The following PDLIM5 variants were observed in gnomAD, a reference collection of about 807,000 sequenced individuals.
The protein encoded by PDLIM5 is PDZ and LIM domain 5, also known as PDZ and LIM domain protein 5.
In PDLIM5, 34 loss-of-function variants were observed where a neutral mutation model predicts 64.2. The ratio of observed to expected loss-of-function variants is 0.53; its 90% CI spans 0.40 to 0.71. The LOEUF is 0.71. Among genes scored for constraint, PDLIM5 ranks in the 30% least tolerant of loss-of-function variants. The pLI is 0.00. For synonymous variants in PDLIM5, 253 were observed against 269.1 expected (o/e 0.94, Z 0.59); for missense variants, 683 against 733.6 (o/e 0.93, Z 0.80).
At chr4:94,545,359 C>A (rs1713472485) in intron 3 of PDLIM5, among the ~76,000 whole-genome samples, 1 of 152,030 alleles carries the variant, frequency 6.6e-6, no homozygotes, top group Non-Finnish European at 1.5e-5. Flanking sequence ...TTTTAGAAGC[C>A]CAAATAATAT....
At chr4:94,653,662 A>G (rs1168474952) in intron 9 of PDLIM5, among the ~76,000 whole-genome samples, 2 of 152,186 alleles carry the variant, frequency 1.3e-5, no homozygotes, top group African/African-American at 4.8e-5. Flanking sequence ...TTTCAGTTAT[A>G]CAAGATGAAT....
Position 94,550,646 on chromosome 4 carries a change from C to T in PDLIM5, c.249-22705C>T, listed in dbSNP as rs562003343. On this transcript the variant is annotated intron_variant, in intron 3 of 12. Transcript: ENST00000317968. ...ATGACTTGCAAGTCCATAAATATCTCATTTTGGAACTCTAAAAGTTTGGAA... is the reference window on the plus strand; with the variant it reads ...ATGACTTGCAAGTCCATAAATATCTTATTTTGGAACTCTAAAAGTTTGGAA... Among the ~76,000 whole-genome samples, 4 of 152,242 alleles carry T rather than the reference C, an allele frequency of 2.6e-5. No individual in the cohort carries two copies. The East Asian group carries it at 7.7e-4, about 29-fold the overall frequency.
At position 94,594,104 on chromosome 4, in the gene PDLIM5, A is replaced by G. The variant is rs1011997399; in HGVS notation, c.920+7660A>G. Among the ~76,000 whole-genome samples, 4 of 152,242 alleles carry G rather than the reference A, an allele frequency of 2.6e-5. 1 individual carries two copies. The highest frequency in any genetic ancestry group is 2.6e-4 in the Admixed American group (4 of 15,286). On this transcript the variant is annotated intron_variant, in intron 7 of 12. Transcript: ENST00000317968. ...ATAAATATCAAGACATTAAAATATCAAAACATTAATACCTATATTGAAAGT... is the reference window on the plus strand; with the variant it reads ...ATAAATATCAAGACATTAAAATATCGAAACATTAATACCTATATTGAAAGT...
At chr4:94,591,210 G>T (rs1736649290) in intron 7 of PDLIM5, among the ~76,000 whole-genome samples, 1 of 152,168 alleles carries the variant, frequency 6.6e-6, no homozygotes, top group Non-Finnish European at 1.5e-5. Flanking sequence ...CTTTGCTTTT[G>T]TTCATCCCAT....
At chr4:94,647,805 A>G (rs7655928) in intron 9 of PDLIM5, among the ~76,000 whole-genome samples, 1 of 151,962 alleles carries the variant, frequency 6.6e-6, no homozygotes, top group Non-Finnish European at 1.5e-5. Flanking sequence ...GAGATCATAC[A>G]AAGTATGCTC....
intron 8 of PDLIM5, among the ~76,000 whole-genome samples, chr4:94,639,525 A>G (rs913202660): frequency 2.6e-5 from 4 of 152,188 alleles, no homozygotes; most frequent in African/African-American, 9.7e-5. Context: ...ACCTATTACT[A>G]TAAATGAGAG....
At chr4:94,555,476 A>G (rs1220714590) in intron 3 of PDLIM5, among the ~76,000 whole-genome samples, 2 of 152,202 alleles carry the variant, frequency 1.3e-5, no homozygotes, top group Middle Eastern at 3.2e-3. Context: ...ATGTATGTAA[A>G]TTTGTCAAAT....
chr4:94,665,511 GA>G lies in PDLIM5; in HGVS notation c.*1445del. 1 of 733,982 alleles carries G rather than the reference GA, an allele frequency of 1.4e-6. No homozygotes were observed. The highest frequency in any genetic ancestry group is 1.6e-6 in the Non-Finnish European group (1 of 608,038). 45.5% of individuals were successfully genotyped at this position (733,982 alleles called of 1,614,324 possible). ...AAAAAAAAAAAAAAAAAAAAAGAGA[GA>G]GAGAGAATAAATAGAAAAGAATGTG... On this transcript the variant is annotated 3_prime_UTR_variant, in exon 13 of 13. Transcript: ENST00000317968.
At chr4:94,574,299 A>C (rs1051586660) in intron 4 of PDLIM5, among the ~76,000 whole-genome samples, 4 of 152,104 alleles carry the variant, frequency 2.6e-5, no homozygotes, top group Non-Finnish European at 5.9e-5. Flanking sequence ...GAAGTTTGAG[A>C]CCAGCCTGGC....
At chr4:94,517,068 G>A (rs1470398108) in intron 2 of PDLIM5, among the ~76,000 whole-genome samples, 2 of 152,126 alleles carry the variant, frequency 1.3e-5, no homozygotes, top group African/African-American at 2.4e-5. Context: ...CATATATGCG[G>A]GGGGGACATC....
At chr4:94,515,527 G>A (rs1729287100) in intron 2 of PDLIM5, among the ~76,000 whole-genome samples, 1 of 152,176 alleles carries the variant, frequency 6.6e-6, no homozygotes, top group African/African-American at 2.4e-5. Flanking sequence ...TGTCGTAGAA[G>A]TATGCTGGCC....
chr4:94,505,264 CT>C (rs58962560), intron 2 of PDLIM5, among the ~76,000 whole-genome samples: 384 of 144,410 alleles, frequency 2.7e-3, no homozygotes, highest in African/African-American at 5.5e-3. Context: ...TCTTAAGTCA[CT>C]TTTTTTTTTT....
chr4:94,586,499 A>G (rs1055272687), intron 7 of PDLIM5, 55 bp downstream of exon 7: 33 of 1,068,340 alleles, frequency 3.1e-5, no homozygotes, highest in Non-Finnish European at 4.4e-5. Context: ...AATGGTCTCA[A>G]TTTAGTTTTT....
At chr4:94,472,943 A>G (rs1725008188) in intron 2 of PDLIM5, among the ~76,000 whole-genome samples, 1 of 152,206 alleles carries the variant, frequency 6.6e-6, no homozygotes, top group South Asian at 2.1e-4. Context: ...TGCCCTCTCA[A>G]ATCTATGTTT....
intron 11 of PDLIM5, among the ~76,000 whole-genome samples, chr4:94,657,811 AT>A (rs1742329424): frequency 6.6e-6 from 1 of 151,928 alleles, no homozygotes; most frequent in Non-Finnish European, 1.5e-5. Context: ...GGTTCAGGCG[AT>A]TCTCCTGCCT....
At chr4:94,519,411 T>G (rs78775135) in intron 2 of PDLIM5, among the ~76,000 whole-genome samples, 2,629 of 152,298 alleles carry the variant, frequency 0.017, 83 homozygotes, top group African/African-American at 0.059. Context: ...GTCCTCATTT[T>G]CAAAGAGTGG....
chr4:94,469,544 G>A (rs1008655759), intron 2 of PDLIM5, among the ~76,000 whole-genome samples: 1 of 152,184 alleles, frequency 6.6e-6, no homozygotes, highest in Non-Finnish European at 1.5e-5. Context: ...GAGGAAAGTG[G>A]AGTGAGAATA....
chr4:94,644,071 TAGAA>T (rs1741210261), intron 9 of PDLIM5, among the ~76,000 whole-genome samples: 1 of 152,218 alleles, frequency 6.6e-6, no homozygotes, highest in Non-Finnish European at 1.5e-5. Context: ...TGTGAAAGAT[TAGAA>T]AGAACATAAA....
At chr4:94,514,604 A>G (rs930070246) in intron 2 of PDLIM5, among the ~76,000 whole-genome samples, 3 of 152,272 alleles carry the variant, frequency 2.0e-5, no homozygotes, top group South Asian at 4.1e-4. Context: ...AGAACAGTTT[A>G]AGTAGGATTG....
Sources: allele counts gnomAD v4.1 joint callset (sites outside exome capture counted in the v4.1 genomes callset), GRCh38; gene constraint gnomAD v4.1.1; transcripts MANE v1.5; gene names NCBI Gene and HGNC (gene_info 2026-07-23, HGNC 2026-07-21).